Variants in MED24 observed in about 807,000 individuals in gnomAD.
MED24 encodes mediator of RNA polymerase II transcription subunit 24.
MED24 carries 74 observed loss-of-function variants against 118.8 expected under a neutral mutation model. That is an observed-to-expected ratio of 0.62 (90% CI 0.52 to 0.76). The LOEUF (loss-of-function observed/expected upper bound fraction) is 0.76. MED24 is among the 30% of genes least tolerant of loss of function. MED24 has a pLI of 0.00. For missense variants in MED24, 1,041 were observed against 1,278.9 expected, an observed-to-expected ratio of 0.81 and a Z score of 2.84; for synonymous variants, 521 against 523.9, an observed-to-expected ratio of 0.99 and a Z score of 0.08.
chr17:40,020,131 G>C, intron 24 of MED24, 142 bp downstream of exon 24: 1 of 1,050,686 alleles, frequency 9.5e-7, no homozygotes, highest in Non-Finnish European at 1.4e-6. Flanking sequence ...TGGGGGCCAG[G>C]ACAGCCAACA....
chr17:40,024,171 G>A, intron 19 of MED24, among the ~76,000 whole-genome samples: 1 of 152,144 alleles, frequency 6.6e-6, no homozygotes, highest in East Asian at 1.9e-4. Flanking sequence ...GGAGGCAAGG[G>A]GAAAACGAGA....
intron 19 of MED24, among the ~76,000 whole-genome samples, chr17:40,025,803 C>G (rs991688984): frequency 3.3e-5 from 5 of 152,128 alleles, no homozygotes; most frequent in Non-Finnish European, 7.3e-5. Flanking sequence ...TAAGAGGTAA[C>G]TGAGGGTGGG....
chr17:40,053,226 G>A, intron 3 of MED24, 72 bp downstream of exon 3: 1 of 1,395,040 alleles, frequency 7.2e-7, no homozygotes, highest in Non-Finnish European at 9.8e-7. Flanking sequence ...TGAACCACCG[G>A]GGCCCAAATG....
chr17:40,032,490 C>A (rs1022621708), intron 9 of MED24, 159 bp downstream of exon 9: 1 of 622,068 alleles, frequency 1.6e-6, no homozygotes, highest in East Asian at 2.8e-5. Context: ...ATAGCCCTGG[C>A]ACTTTCAGAG....
chr17:40,019,209 C>T lies in MED24; in HGVS notation c.*320G>A, dbSNP rs12309. 0.33 allele frequency: 116,153 copies of T among 353,440 alleles called. 22,372 individuals are homozygous for T. The highest frequency in any genetic ancestry group is 0.49 in the Middle Eastern group (599 of 1,222). The allele number at this position is 353,440 out of a possible 1,614,324, so 21.9% of individuals were successfully genotyped here. On this transcript the variant is annotated 3_prime_UTR_variant, in exon 26 of 26. Coordinates refer to ENST00000394128, the MANE Select transcript of MED24 (RefSeq NM_014815.4). ...ACACACACACACACACACACATACA[C>T]ACTTTGCATCTAGAAAGTTCCTCAG...
chr17:40,019,760 G>A, intron 25 of MED24, 25 bp downstream of exon 25: 1 of 1,609,698 alleles, frequency 6.2e-7, no homozygotes, highest in Non-Finnish European at 8.5e-7. Flanking sequence ...AGCACCAGCA[G>A]GAGAGCCGGG....
chr17:40,023,537 G>A (rs1982292033), intron 19 of MED24, 142 bp from the exon 20 acceptor site: 1 of 785,460 alleles, frequency 1.3e-6, no homozygotes. Context: ...TGCGCTGGGG[G>A]ACGGTATACC....
rs1491489832 is a variant in MED24 at position 40,032,104 on chromosome 17, CAG to C, written c.937-16_937-15del. On this transcript the variant is annotated splice_polypyrimidine_tract_variant and intron_variant, in intron 9 of 25. Transcript: ENST00000394128. ...AACCTGTGGAATCTAGGGGGTGAGG[CAG>C]GGGGAAAAACAGGAAGATCCATTTC... 1.2e-6 allele frequency: 2 copies of C among 1,613,254 alleles called. No homozygotes were observed. Among genetic ancestry groups the C allele is most frequent in the African/African-American group, 1.3e-5 (1 of 74,966 alleles).
rs1277835480 is a variant in MED24, at chr17:40,040,893, G to A, written c.214-4739C>T. Among the ~76,000 whole-genome samples the A allele has an allele frequency of 2.0e-5, 3 of 152,156 alleles. No individual in the cohort carries two copies. In the East Asian group the frequency reaches 5.8e-4, roughly 29 times the overall value. On this transcript the variant is annotated intron_variant, in intron 3 of 25. Transcript: ENST00000394128. ...CTCCCAAAGTGCTGGGATTACAGGT[G>A]TGAGCCACTGAACCCGGCCTTTTTA... is the stretch of plus-strand genomic sequence containing the variant.
chr17:40,043,709 G>A (rs1005573306), intron 3 of MED24, among the ~76,000 whole-genome samples: 3 of 151,272 alleles, frequency 2.0e-5, no homozygotes, highest in African/African-American at 4.9e-5. Context: ...TAACACTTTC[G>A]TGAAACCCCA....
At chr17:40,049,511 G>T (rs938769335) in intron 3 of MED24, among the ~76,000 whole-genome samples, 9 of 151,988 alleles carry the variant, frequency 5.9e-5, no homozygotes, top group African/African-American at 2.2e-4. Context: ...ACAATTTTTT[G>T]ACTTTATTTT....
In MED24 at chr17:40,026,390, A is replaced by ACCTT. The variant is rs2144879411; in HGVS notation, c.1810-63_1810-60dup. The ACCTT allele has an allele frequency of 3.2e-6, 5 of 1,582,648 alleles. No homozygotes were observed. In the East Asian group the frequency reaches 1.1e-4, roughly 36 times the overall value. On this transcript the variant is annotated intron_variant, in intron 18 of 25. Transcript: ENST00000394128. ...TATCTCCCTTTCTTGAGCCAACATC[A>ACCTT]CCTTCTCAGCCTCTGCGGGCAGCTA...
chr17:40,027,172 A>G, intron 16 of MED24, 138 bp from the exon 17 acceptor site: 1 of 1,216,548 alleles, frequency 8.2e-7, no homozygotes, highest in Non-Finnish European at 1.2e-6. Flanking sequence ...GGTCTAAGGG[A>G]GCCAGACGGG....
At chr17:40,043,333 C>T (rs1267059582) in intron 3 of MED24, among the ~76,000 whole-genome samples, 1 of 152,120 alleles carries the variant, frequency 6.6e-6, no homozygotes, top group Non-Finnish European at 1.5e-5. Flanking sequence ...GACTGGCTCA[C>T]CAATTGTTGT....
chr17:40,027,654 C>G, intron 15 of MED24, 189 bp from the exon 16 acceptor site: 1 of 672,002 alleles, frequency 1.5e-6, no homozygotes, highest in Non-Finnish European at 2.5e-6. Context: ...CAAAGACCCC[C>G]AGCACCCTCT....
chr17:40,038,116 T>C (rs566237583), intron 3 of MED24, among the ~76,000 whole-genome samples: 3 of 150,354 alleles, frequency 2.0e-5, no homozygotes, highest in South Asian at 4.3e-4. Context: ...AGGAATTTCA[T>C]GTACCCAGTA....
At chr17:40,039,461 T>C (rs1399939800) in intron 3 of MED24, among the ~76,000 whole-genome samples, 1 of 152,188 alleles carries the variant, frequency 6.6e-6, no homozygotes, top group African/African-American at 2.4e-5. Context: ...TACTCCTAAG[T>C]GCCCTCTACT....
chr17:40,050,993 G>A (rs1298362804), intron 3 of MED24, among the ~76,000 whole-genome samples: 1 of 152,066 alleles, frequency 6.6e-6, no homozygotes, highest in African/African-American at 2.4e-5. Flanking sequence ...AAAATTAGCC[G>A]GGTGTAATGG....
At chr17:40,020,678 C>A in intron 23 of MED24, 1 of 378,578 alleles carries the variant, frequency 2.6e-6, no homozygotes, top group Non-Finnish European at 5.1e-6. Flanking sequence ...CCCAGCTCCT[C>A]GGGAGGCTGA....
Sources: gnomAD v4.1 joint callset for allele counts (sites outside exome capture counted in the v4.1 genomes callset) on GRCh38, gnomAD v4.1.1 for gene constraint, MANE v1.5 for transcripts, NCBI Gene and HGNC (gene_info 2026-07-23, HGNC 2026-07-21) for gene names.